The following BCKDHB variants were observed in gnomAD, a reference collection of about 807,000 sequenced individuals.
BCKDHB encodes the protein branched chain keto acid dehydrogenase E1 subunit beta.
BCKDHB carries 41 observed loss-of-function variants against 48.5 expected under a neutral mutation model. The observed-to-expected ratio is 0.85, with a 90% CI of 0.66 to 1.10. The LOEUF is 1.10. Among genes scored for constraint, BCKDHB ranks in the 50% least tolerant of loss-of-function variants. BCKDHB has a pLI of 0.00. For synonymous variants in BCKDHB, 201 were observed against 174.8 expected, an observed-to-expected ratio of 1.15 and a Z score of -1.18; for missense variants, 496 against 494.2, an observed-to-expected ratio of 1.00 and a Z score of -0.03.
intron 8 of BCKDHB, among the ~76,000 whole-genome samples, chr6:80,256,527 T>G (rs1777057632): frequency 6.6e-6 from 1 of 152,212 alleles, no homozygotes; most frequent in African/African-American, 2.4e-5. Flanking sequence ...TGACCAAAAT[T>G]TAGTTATGGG....
chr6:80,434,932 T>C, the BCKDHB span, among the ~76,000 whole-genome samples: 3 of 152,192 alleles, frequency 2.0e-5, no homozygotes, highest in Admixed American at 2.0e-4. Context: ...TGTTTTTCCA[T>C]AGATCTTTGG....
In BCKDHB at chr6:80,340,814, C is replaced by T. The variant is rs568813510; in HGVS notation, c.1039-2850C>T. ...GTTTGTGTGTGTGTGTACATACGTA[C>T]GTACGTACATGTATACAGCTTCTGC... On this transcript the variant is annotated intron_variant, in intron 9 of 9. Coordinates refer to ENST00000320393, the MANE Select transcript of BCKDHB (RefSeq NM_183050.4). Among the ~76,000 whole-genome samples the T allele has an allele frequency of 1.2e-3, 177 of 151,936 alleles. 1 individual carries two copies. Among genetic ancestry groups the T allele is most frequent in the Non-Finnish European group, 2.0e-3 (137 of 67,964 alleles).
At chr6:80,267,803 C>T (rs552587967) in intron 8 of BCKDHB, among the ~76,000 whole-genome samples, 32 of 152,118 alleles carry the variant, frequency 2.1e-4, no homozygotes, top group Non-Finnish European at 4.0e-4. Flanking sequence ...AAAAATTTCC[C>T]AAATGTTTTA....
At chr6:80,226,322 C>A (rs937247084) in intron 8 of BCKDHB, among the ~76,000 whole-genome samples, 5 of 152,182 alleles carry the variant, frequency 3.3e-5, no homozygotes, top group Non-Finnish European at 7.4e-5. Context: ...TGTTAAAAAA[C>A]CAGAATCTCT....
intron 9 of BCKDHB, among the ~76,000 whole-genome samples, chr6:80,335,320 A>G (rs911439830): frequency 2.6e-5 from 4 of 151,888 alleles, no homozygotes; most frequent in Admixed American, 2.6e-4. Flanking sequence ...CTTGGTGCCA[A>G]GCAAATCAGA....
chr6:80,342,556 G>GAAAAAAAAAAAAAAAA (rs34127398), intron 9 of BCKDHB, among the ~76,000 whole-genome samples: 4 of 24,098 alleles, frequency 1.7e-4, no homozygotes, highest in African/African-American at 4.9e-4. Flanking sequence ...CCTCATTTCT[G>GAAAAAAAAAAAAAAAA]AAAAAAAAAA....
intron 6 of BCKDHB, among the ~76,000 whole-genome samples, chr6:80,181,883 A>C (rs151245468): frequency 6.6e-6 from 1 of 152,210 alleles, no homozygotes; most frequent in Non-Finnish European, 1.5e-5. Context: ...CTATTGCTTA[A>C]TCTTTTATAT....
At chr6:80,416,064 G>T in the BCKDHB span, among the ~76,000 whole-genome samples, 1 of 151,786 alleles carries the variant, frequency 6.6e-6, no homozygotes, top group Non-Finnish European at 1.5e-5. Context: ...CTGCGTAGAG[G>T]TGTTCATGAT....
At chr6:80,450,572 C>T in the BCKDHB span, among the ~76,000 whole-genome samples, 6 of 152,162 alleles carry the variant, frequency 3.9e-5, no homozygotes, top group African/African-American at 9.7e-5. Context: ...CTAGAAATCT[C>T]AGAGGCACTC....
intron 8 of BCKDHB, among the ~76,000 whole-genome samples, chr6:80,241,255 C>T (rs974580011): frequency 6.6e-6 from 1 of 152,180 alleles, no homozygotes; most frequent in Non-Finnish European, 1.5e-5. Flanking sequence ...CTTCTGTCAA[C>T]TCGTCAAAGT....
chr6:80,182,307 T>A (rs1193599036), intron 6 of BCKDHB, among the ~76,000 whole-genome samples: 1 of 152,232 alleles, frequency 6.6e-6, no homozygotes, highest in Middle Eastern at 3.2e-3. Context: ...CTTCTGTGAC[T>A]GAGTTAATAA....
the BCKDHB span, among the ~76,000 whole-genome samples, chr6:80,454,508 A>G: frequency 1.3e-5 from 2 of 152,206 alleles, no homozygotes; most frequent in African/African-American, 4.8e-5. Context: ...TTTCTGAGTA[A>G]TGAAGCTGTG....
chr6:80,237,682 T>C (rs759741096), intron 8 of BCKDHB, among the ~76,000 whole-genome samples: 5 of 152,232 alleles, frequency 3.3e-5, no homozygotes, highest in Non-Finnish European at 5.9e-5. Context: ...TAAGTTGGCA[T>C]GGCCAGAGCT....
At chr6:80,432,761 C>T in the BCKDHB span, among the ~76,000 whole-genome samples, 2 of 152,138 alleles carry the variant, frequency 1.3e-5, no homozygotes, top group Non-Finnish European at 2.9e-5. Context: ...AAGAGGCATT[C>T]TGGTTTTTGG....
chr6:80,158,740 A>G (rs1772174225), intron 3 of BCKDHB, among the ~76,000 whole-genome samples: 2 of 152,180 alleles, frequency 1.3e-5, no homozygotes, highest in Admixed American at 1.3e-4. Context: ...ACCTCAGTCT[A>G]GGAAGTTCAC....
At chr6:80,339,715 A>C (rs1393195292) in intron 9 of BCKDHB, among the ~76,000 whole-genome samples, 1 of 152,082 alleles carries the variant, frequency 6.6e-6, no homozygotes, top group African/African-American at 2.4e-5. Flanking sequence ...CTTAGCCTAC[A>C]CCTTTCTTTA....
At chr6:80,347,085 A>AT (rs58472226), downstream of BCKDHB, among the ~76,000 whole-genome samples, 6,310 of 152,098 alleles carry the variant, frequency 0.041, 455 homozygotes, top group African/African-American at 0.14. Flanking sequence ...TGTCCTATCT[A>AT]TTTTTACCAG....
In BCKDHB at chr6:80,168,225, C is replaced by T. The variant is rs528604467; in HGVS notation, c.477+414C>T. On this transcript the variant is annotated intron_variant, in intron 4 of 9. Coordinates refer to ENST00000320393, the MANE Select transcript of BCKDHB (RefSeq NM_183050.4). ...AACTTAAACCAGGAGTCCAAGGCTA[C>T]AATGAACTGTGATCGCAGCACTGCA... is the stretch of plus-strand genomic sequence containing the variant. Among the ~76,000 whole-genome samples the T allele has an allele frequency of 2.6e-5, 4 of 151,850 alleles. 1 individual carries two copies. Among genetic ancestry groups the T allele is most frequent in the Admixed American group, 1.3e-4 (2 of 15,224 alleles).
At chr6:80,425,482 G>A in the BCKDHB span, among the ~76,000 whole-genome samples, 1 of 152,134 alleles carries the variant, frequency 6.6e-6, no homozygotes, top group African/African-American at 2.4e-5. Context: ...AGTAAACTAT[G>A]TGTGGTCAGG....
Sources: allele counts gnomAD v4.1 joint callset (sites outside exome capture counted in the v4.1 genomes callset), GRCh38; gene constraint gnomAD v4.1.1; transcripts MANE v1.5; gene names NCBI Gene and HGNC (gene_info 2026-07-23, HGNC 2026-07-21).